Variants in PRELID2 observed in about 807,000 individuals in gnomAD.
PRELID2 encodes the protein PRELI domain-containing protein 2.
PRELID2 carries 25 observed loss-of-function variants against 28.4 expected under a neutral mutation model. The ratio of observed to expected loss-of-function variants is 0.88; its 90% CI spans 0.64 to 1.23. The LOEUF (loss-of-function observed/expected upper bound fraction) is 1.23. Among genes scored for constraint, PRELID2 ranks in the 50% most tolerant of loss-of-function variants. The probability of loss-of-function intolerance (pLI) is 0.00; values close to 1 mark genes in which losing one functional copy is unlikely to be tolerated. For synonymous variants in PRELID2, 76 were observed against 71.6 expected (o/e 1.06, Z -0.31); for missense variants, 201 against 214.4 (o/e 0.94, Z 0.39).
At chr5:145,511,475 A>T (rs1752460752) in intron 1 of PRELID2, among the ~76,000 whole-genome samples, 1 of 152,240 alleles carries the variant, frequency 6.6e-6, no homozygotes, top group African/African-American at 2.4e-5. Context: ...CCAGGAAAGC[A>T]TCTGAAGGGA....
chr5:145,791,659 G>C (rs898625359), intron 5 of PRELID2, among the ~76,000 whole-genome samples: 3 of 152,114 alleles, frequency 2.0e-5, no homozygotes. Flanking sequence ...TGATGGTGAC[G>C]GCTGCACAAC....
chr5:145,425,968 T>C, the PRELID2 span, among the ~76,000 whole-genome samples: 1 of 152,130 alleles, frequency 6.6e-6, no homozygotes, highest in Non-Finnish European at 1.5e-5. Context: ...AGCCCCCTCA[T>C]CATCATTATT....
At chr5:145,585,419 C>T (rs1753144462) in intron 1 of PRELID2, among the ~76,000 whole-genome samples, 1 of 152,114 alleles carries the variant, frequency 6.6e-6, no homozygotes, top group African/African-American at 2.4e-5. Flanking sequence ...TATGCACCTC[C>T]TGCACATGTA....
chr5:145,503,681 G>T (rs1752380257), intron 1 of PRELID2, among the ~76,000 whole-genome samples: 1 of 152,128 alleles, frequency 6.6e-6, no homozygotes, highest in African/African-American at 2.4e-5. Flanking sequence ...CATATTAATT[G>T]TTTCCATGAT....
chr5:145,376,945 C>T, the PRELID2 span, among the ~76,000 whole-genome samples: 1 of 151,842 alleles, frequency 6.6e-6, no homozygotes, highest in African/African-American at 2.4e-5. Flanking sequence ...GTTGTGTTTG[C>T]TCTTGGTTAT....
chr5:145,748,359 G>A (rs769327634), intron 1 of PRELID2, among the ~76,000 whole-genome samples: 41 of 152,134 alleles, frequency 2.7e-4, no homozygotes, highest in Non-Finnish European at 5.4e-4. Flanking sequence ...AATCATGAAT[G>A]AACTCCCATT....
chr5:145,740,832 ATATT>A (rs1309585327), intron 1 of PRELID2, among the ~76,000 whole-genome samples: 3 of 113,612 alleles, frequency 2.6e-5, no homozygotes, highest in Non-Finnish European at 5.0e-5. Context: ...ATACAAATAT[ATATT>A]TATCGATAAA....
chr5:145,633,384 C>T (rs1295248794), intron 1 of PRELID2, among the ~76,000 whole-genome samples: 1 of 152,192 alleles, frequency 6.6e-6, no homozygotes, highest in African/African-American at 2.4e-5. Flanking sequence ...TTTCATGTAC[C>T]TCCAGTTCCC....
intron 1 of PRELID2, among the ~76,000 whole-genome samples, chr5:145,648,028 C>T (rs1329523840): frequency 6.6e-6 from 1 of 152,140 alleles, no homozygotes; most frequent in African/African-American, 2.4e-5. Flanking sequence ...TTATACACGA[C>T]TAGGGAAGAC....
At chr5:145,779,432 T>C (rs1301714192) in intron 5 of PRELID2, among the ~76,000 whole-genome samples, 2 of 152,078 alleles carry the variant, frequency 1.3e-5, no homozygotes, top group Admixed American at 1.3e-4. Context: ...TGTTCAATAC[T>C]AAAGGGCAAT....
chr5:145,397,042 A>G, the PRELID2 span, among the ~76,000 whole-genome samples: 1 of 152,134 alleles, frequency 6.6e-6, no homozygotes, highest in African/African-American at 2.4e-5. Flanking sequence ...AACTGCAATG[A>G]TAGTCTACTG....
At chr5:145,328,900 T>A in the PRELID2 span, among the ~76,000 whole-genome samples, 2 of 152,250 alleles carry the variant, frequency 1.3e-5, no homozygotes, top group African/African-American at 4.8e-5. Flanking sequence ...AGGGATTTTA[T>A]GATTTTAGGT....
At chr5:145,479,053 A>G (rs1752133454) in intron 1 of PRELID2, among the ~76,000 whole-genome samples, 1 of 152,206 alleles carries the variant, frequency 6.6e-6, no homozygotes, top group South Asian at 2.1e-4. Flanking sequence ...CTCTTTAAGA[A>G]GTAAGGACTC....
rs148737252 is a variant in PRELID2, at chr5:145,605,753, T to C, written n.71-132438A>G. On this transcript the variant is annotated intron_variant and non_coding_transcript_variant, in intron 1 of 2. Transcript: ENST00000510259. Reference sequence around the variant, plus strand: ...TAATGGAAATAAATTTTTATACATATAATTTATATATATAAATTTGAAGAA... The same window carrying C: ...TAATGGAAATAAATTTTTATACATACAATTTATATATATAAATTTGAAGAA... Among the ~76,000 whole-genome samples, 78 of 152,112 alleles carry C rather than the reference T, an allele frequency of 5.1e-4. No homozygotes were observed. In the East Asian group the frequency reaches 0.013, roughly 25 times the overall value.
At chr5:145,621,542 T>A (rs1753774165) in intron 1 of PRELID2, among the ~76,000 whole-genome samples, 2 of 152,322 alleles carry the variant, frequency 1.3e-5, no homozygotes, top group South Asian at 4.1e-4. Flanking sequence ...TGTGGCATAC[T>A]CATACAATGA....
intron 1 of PRELID2, among the ~76,000 whole-genome samples, chr5:145,706,219 T>C (rs1447481629): frequency 3.3e-5 from 5 of 152,186 alleles, no homozygotes; most frequent in Non-Finnish European, 7.3e-5. Flanking sequence ...GCATTCTTCC[T>C]GCAAGCTAAG....
At chr5:145,465,929 A>G in the PRELID2 span, among the ~76,000 whole-genome samples, 2 of 152,132 alleles carry the variant, frequency 1.3e-5, no homozygotes, top group African/African-American at 4.8e-5. Context: ...TTATTATGAT[A>G]GCATTTATAA....
At chr5:145,724,584 TAAC>T (rs1262074214) in intron 1 of PRELID2, among the ~76,000 whole-genome samples, 1 of 88,296 alleles carries the variant, frequency 1.1e-5, no homozygotes, top group Non-Finnish European at 2.5e-5. Context: ...AACACTGAAA[TAAC>T]AAGAAGTAAA....
At chr5:145,619,080 G>T (rs1413999553) in intron 1 of PRELID2, among the ~76,000 whole-genome samples, 1 of 152,114 alleles carries the variant, frequency 6.6e-6, no homozygotes, top group Non-Finnish European at 1.5e-5. Context: ...GGGCAAGCAG[G>T]GCTGAGAACT....
Sources: allele counts gnomAD v4.1 joint callset (sites outside exome capture counted in the v4.1 genomes callset), GRCh38; gene constraint gnomAD v4.1.1; transcripts MANE v1.5; gene names NCBI Gene and HGNC (gene_info 2026-07-23, HGNC 2026-07-21).